ATF6: variants seen among roughly 807,000 people sequenced by gnomAD.
ATF6 encodes the protein activating transcription factor 6.
Under a neutral mutation model 83.6 loss-of-function variants are expected in ATF6, and 53 were observed. The observed-to-expected ratio is 0.63, with a 90% CI of 0.51 to 0.80. The LOEUF (loss-of-function observed/expected upper bound fraction) is 0.80. Ranked by LOEUF, ATF6 falls within the 30% of genes least tolerant of loss-of-function variation. The pLI, the probability that ATF6 is intolerant of heterozygous loss-of-function variation, is 0.00. For synonymous variants in ATF6, 288 were observed against 285.8 expected (o/e 1.01, Z -0.08); for missense variants, 744 against 797.9 (o/e 0.93, Z 0.81).
intron 15 of ATF6, among the ~76,000 whole-genome samples, chr1:161,949,738 G>A (rs1204901448): frequency 6.6e-6 from 1 of 152,114 alleles, no homozygotes; most frequent in African/African-American, 2.4e-5. Flanking sequence ...CAGCTCCCAT[G>A]GGAACTAATA....
In ATF6 at chr1:161,937,398, A is replaced by T. The variant is rs567629885; in HGVS notation, c.1805-21048A>T. ...ACCTTAATGCCTTTTATCTCTGGTT[A>T]CTTCAACACCATAATTACCATAAAT... is the stretch of plus-strand genomic sequence containing the variant. On this transcript the variant is annotated intron_variant, in intron 15 of 15. Transcript: ENST00000367942. Among the ~76,000 whole-genome samples, 21 of 150,710 alleles carry T rather than the reference A, an allele frequency of 1.4e-4. 1 individual carries two copies. The East Asian group carries it at 4.1e-3, about 30-fold the overall frequency.
intron 15 of ATF6, among the ~76,000 whole-genome samples, chr1:161,917,935 C>T (rs545990815): frequency 2.1e-3 from 324 of 152,246 alleles, no homozygotes; most frequent in African/African-American, 7.5e-3. Context: ...GAAAGTAATT[C>T]ATACCATTTG....
At chr1:161,834,516 A>G (rs892969676) in intron 9 of ATF6, among the ~76,000 whole-genome samples, 52 of 151,552 alleles carry the variant, frequency 3.4e-4, no homozygotes, top group African/African-American at 1.2e-3. Context: ...TCAGCAAACT[A>G]TTGCAAGGAT....
intron 9 of ATF6, among the ~76,000 whole-genome samples, chr1:161,844,149 T>C (rs1686423019): frequency 6.6e-6 from 1 of 152,192 alleles, no homozygotes; most frequent in Non-Finnish European, 1.5e-5. Context: ...ATGGAGGAAT[T>C]ATCCTTTTCC....
intron 14 of ATF6, among the ~76,000 whole-genome samples, chr1:161,911,250 C>T (rs1263851049): frequency 1.3e-5 from 2 of 152,156 alleles, no homozygotes; most frequent in South Asian, 2.1e-4. Flanking sequence ...TCCAGTTTAA[C>T]CATGCTCCCT....
intron 14 of ATF6, among the ~76,000 whole-genome samples, chr1:161,886,389 C>T (rs1571214223): frequency 6.6e-6 from 1 of 152,146 alleles, no homozygotes; most frequent in East Asian, 1.9e-4. Context: ...AAACTAAATT[C>T]TAGAAACATC....
chr1:161,823,435 TTGC>T (rs1685811811), intron 9 of ATF6, among the ~76,000 whole-genome samples: 3 of 152,178 alleles, frequency 2.0e-5, no homozygotes. Context: ...TTTCCTTTTG[TTGC>T]AATCCAAAAT....
At chr1:161,882,252 C>T (rs1687337043) in intron 14 of ATF6, among the ~76,000 whole-genome samples, 1 of 152,010 alleles carries the variant, frequency 6.6e-6, no homozygotes, top group South Asian at 2.1e-4. Flanking sequence ...ATAACATATA[C>T]TGTAGATAAT....
At chr1:161,925,922 C>A (rs1039352720) in intron 15 of ATF6, among the ~76,000 whole-genome samples, 2 of 152,192 alleles carry the variant, frequency 1.3e-5, no homozygotes, top group Admixed American at 6.5e-5. Context: ...AGTACTTAGT[C>A]CATTTGGGGA....
intron 15 of ATF6, among the ~76,000 whole-genome samples, chr1:161,934,215 C>T (rs1051240953): frequency 2.6e-5 from 4 of 152,134 alleles, no homozygotes; most frequent in African/African-American, 7.2e-5. Flanking sequence ...GGTCTTCCCT[C>T]GGATTTGTGA....
intron 14 of ATF6, among the ~76,000 whole-genome samples, chr1:161,881,313 T>G (rs1348229869): frequency 6.6e-6 from 1 of 152,072 alleles, no homozygotes; most frequent in African/African-American, 2.4e-5. Context: ...TGGGGAAGGT[T>G]CCACTCATAA....
rs150665844 is a variant in ATF6, at chr1:161,881,837, G to A, written c.1719+18525G>A. Among the ~76,000 whole-genome samples the A allele has an allele frequency of 8.0e-3, 1,217 of 152,054 alleles. 10 individuals are homozygous for A. Among genetic ancestry groups the A allele is most frequent in the South Asian group, 0.019 (91 of 4,814 alleles). ...ATGGACTGTGTTTTTATGGTTTTAA[G>A]AAATATTTGCCTAACTAAAGGTCAC... On this transcript the variant is annotated intron_variant, in intron 14 of 15. Coordinates refer to ENST00000367942, the MANE Select transcript of ATF6 (RefSeq NM_007348.4).
intron 3 of ATF6, among the ~76,000 whole-genome samples, chr1:161,782,297 A>G (rs751509864): frequency 6.6e-6 from 1 of 152,236 alleles, no homozygotes; most frequent in Admixed American, 6.5e-5. Flanking sequence ...TGAGAACCAG[A>G]CAGGGCTTAG....
intron 6 of ATF6, among the ~76,000 whole-genome samples, chr1:161,798,310 T>C (rs929464271): frequency 3.9e-5 from 6 of 152,098 alleles, no homozygotes; most frequent in Non-Finnish European, 8.8e-5. Flanking sequence ...AATTGACAAA[T>C]GGGATCTAAT....
In ATF6 at chr1:161,962,418, G is replaced by A. The variant is rs1689119994; in HGVS notation, c.*3764G>A. The A allele has an allele frequency of 6.6e-6, 1 of 152,170 alleles. No homozygotes were observed. Among genetic ancestry groups the A allele is most frequent in the Non-Finnish European group, 1.5e-5 (1 of 68,032 alleles). 9.4% of individuals were successfully genotyped at this position (152,170 alleles called of 1,614,324 possible). ...GGTGAGACTGCCGTGGTGGCATTTA[G>A]CATCGTTAAAACTGGAAAACTCTCA... On this transcript the variant is annotated 3_prime_UTR_variant, in exon 16 of 16. Coordinates refer to ENST00000367942, the MANE Select transcript of ATF6 (RefSeq NM_007348.4).
At chr1:161,830,120 G>A (rs1686015530) in intron 9 of ATF6, among the ~76,000 whole-genome samples, 2 of 152,164 alleles carry the variant, frequency 1.3e-5, no homozygotes, top group African/African-American at 4.8e-5. Flanking sequence ...CAAAATCAAT[G>A]TGCAAAAATC....
Position 161,802,196 on chromosome 1 carries a change from C to T in ATF6, c.833C>T (p.Ala278Val), listed in dbSNP as rs138997959. ...GTGAATGTGGTACCAGCCCCTTCAG[C>T]GAATAGCCCAGTGAATGGAAAACTT... The part of the protein sequence containing the change: ...HVVNVVPAPS[A>V]NSPVNGKLSV... Residue 278 changes from alanine (A) to valine (V), a missense_variant, in exon 7 of 16, where the codon GCG (alanine) becomes GTG (valine). Ala to Val is a moderately conservative substitution (Grantham distance 64). Transcript: ENST00000367942. The T allele has an allele frequency of 4.3e-3, 6,960 of 1,614,024 alleles. 31 individuals carry two copies. The highest frequency in any genetic ancestry group is 4.5e-3 in the Non-Finnish European group (5,349 of 1,179,996).
At chr1:161,770,712 C>T (rs2101712646) in intron 1 of ATF6, among the ~76,000 whole-genome samples, 1 of 152,316 alleles carries the variant, frequency 6.6e-6, no homozygotes, top group Middle Eastern at 3.4e-3. Flanking sequence ...TCACAGTTTG[C>T]TTATCCACTT....
At chr1:161,857,866 C>T (rs903077470) in intron 12 of ATF6, among the ~76,000 whole-genome samples, 10 of 152,034 alleles carry the variant, frequency 6.6e-5, no homozygotes, top group Admixed American at 2.6e-4. Flanking sequence ...TTATGTTGTT[C>T]GAATAATATT....
Sources: allele counts gnomAD v4.1 joint callset (sites outside exome capture counted in the v4.1 genomes callset), GRCh38; gene constraint gnomAD v4.1.1; transcripts MANE v1.5; gene names NCBI Gene and HGNC (gene_info 2026-07-23, HGNC 2026-07-21).